Variants in RBM26 observed in about 807,000 individuals in gnomAD.
RBM26 encodes RNA-binding protein 26.
RBM26 carries 30 observed loss-of-function variants against 123.6 expected under a neutral mutation model. The ratio of observed to expected loss-of-function variants is 0.24; its 90% CI spans 0.18 to 0.33. RBM26 has a LOEUF of 0.33. Among genes scored for constraint, RBM26 ranks in the 10% least tolerant of loss-of-function variants. RBM26 has a pLI of 1.00. For synonymous variants in RBM26, 400 were observed against 404.4 expected, an observed-to-expected ratio of 0.99 and a Z score of 0.13; for missense variants, 947 against 1,203.6, an observed-to-expected ratio of 0.79 and a Z score of 3.15.
At chr13:79,374,141 G>A (rs2076425335) in intron 3 of RBM26, among the ~76,000 whole-genome samples, 1 of 151,948 alleles carries the variant, frequency 6.6e-6, no homozygotes, top group South Asian at 2.1e-4. Context: ...AGCTGTTCCA[G>A]CATCCTTTTG....
intron 5 of RBM26, among the ~76,000 whole-genome samples, chr13:79,370,466 C>T (rs577592199): frequency 4.3e-4 from 66 of 152,262 alleles, no homozygotes; most frequent in Non-Finnish European, 5.0e-4. Flanking sequence ...GGATATACCA[C>T]AACATGTTTA....
intron 20 of RBM26, among the ~76,000 whole-genome samples, chr13:79,329,575 G>T (rs1299458111): frequency 6.6e-6 from 1 of 151,948 alleles, no homozygotes; most frequent in Non-Finnish European, 1.5e-5. Context: ...AGAACCACTA[G>T]GATCCTGTCA....
At chr13:79,383,165 T>C (rs1272314905) in intron 1 of RBM26, among the ~76,000 whole-genome samples, 7 of 151,460 alleles carry the variant, frequency 4.6e-5, no homozygotes, top group African/African-American at 1.5e-4. Flanking sequence ...ATTAGAATGG[T>C]TTCAAGCATA....
chr13:79,314,363 TTTTC>T (rs1197512306), downstream of RBM26: 1 of 151,764 alleles, frequency 6.6e-6, no homozygotes, highest in Admixed American at 6.6e-5. Context: ...AAGAAAATTA[TTTTC>T]TTTGTTGGTT....
Position 79,365,714 on chromosome 13 carries a change from T to C in RBM26, c.1281A>G (p.Thr427=), listed in dbSNP as rs915831441. The change falls in exon 9 of 22, where the codon ACA becomes ACG. Residue 427 remains threonine, a synonymous_variant. Coordinates refer to ENST00000438737, the MANE Select transcript of RBM26 (RefSeq NM_001366735.2). The stretch of plus-strand genomic sequence containing the variant: ...CAGGATTGTAGCCATCTGTGTCATA[T>C]GTATCTGGTAATACAAAAACTGTAA... ...PAPPSLFTAD[T]YDTDGYNPEA... The C allele has an allele frequency of 6.2e-7, 1 of 1,610,632 alleles. No homozygotes were observed. Among genetic ancestry groups the C allele is most frequent in the South Asian group, 1.1e-5 (1 of 89,742 alleles).
At chr13:79,356,569 T>C (rs534074792) in intron 11 of RBM26, among the ~76,000 whole-genome samples, 5 of 152,234 alleles carry the variant, frequency 3.3e-5, no homozygotes, top group African/African-American at 1.2e-4. Context: ...AGAACAGAGA[T>C]TGTACACAGT....
At chr13:79,359,973 G>T (rs2074481377) in intron 9 of RBM26, among the ~76,000 whole-genome samples, 1 of 151,948 alleles carries the variant, frequency 6.6e-6, no homozygotes, top group Non-Finnish European at 1.5e-5. Context: ...GTTCTGAGTA[G>T]TGTGATAAAA....
chr13:79,353,424 A>G (rs2073544123), intron 13 of RBM26, among the ~76,000 whole-genome samples, 200 bp from the exon 14 acceptor site: 1 of 152,174 alleles, frequency 6.6e-6, no homozygotes, highest in South Asian at 2.1e-4. Flanking sequence ...ATATTATTCA[A>G]TCATGAAAAA....
intron 6 of RBM26, among the ~76,000 whole-genome samples, chr13:79,367,364 G>A (rs1457422384): frequency 7.2e-6 from 1 of 138,802 alleles, no homozygotes; most frequent in Non-Finnish European, 1.5e-5. Context: ...CAGAGACTGT[G>A]TCATTGCACT....
chr13:79,329,508 T>A (rs969981107), intron 20 of RBM26, among the ~76,000 whole-genome samples: 6 of 152,082 alleles, frequency 3.9e-5, no homozygotes, highest in African/African-American at 7.2e-5. Context: ...CAATTCCAGG[T>A]CTGGAAGAGA....
chr13:79,370,933 T>C lies in RBM26; in HGVS notation c.634+12A>G. 2 of 1,587,514 alleles carry C rather than the reference T, an allele frequency of 1.3e-6. No homozygotes were observed. The highest frequency in any genetic ancestry group is 1.7e-6 in the Non-Finnish European group (2 of 1,159,946). ...GTTTTTCATAAAAAGATAACCAAAATATATTATTTACCCCTGCTTCGTGTT... is the reference window on the plus strand; with the variant it reads ...GTTTTTCATAAAAAGATAACCAAAACATATTATTTACCCCTGCTTCGTGTT... On this transcript the variant is annotated intron_variant, in intron 5 of 21. Transcript: ENST00000438737.
intron 1 of RBM26, among the ~76,000 whole-genome samples, chr13:79,389,157 C>T (rs377708426): frequency 1.3e-5 from 2 of 152,162 alleles, no homozygotes; most frequent in African/African-American, 2.4e-5. Flanking sequence ...TACACTGACA[C>T]ACTATCTCCC....
At chr13:79,400,373 G>A (rs1012473830) in intron 1 of RBM26, among the ~76,000 whole-genome samples, 13 of 152,118 alleles carry the variant, frequency 8.5e-5, no homozygotes, top group African/African-American at 2.4e-4. Context: ...TGCATCCTCC[G>A]GAGTTCCTCC....
intron 1 of RBM26, among the ~76,000 whole-genome samples, chr13:79,401,050 T>C (rs2140548994): frequency 6.6e-6 from 1 of 152,296 alleles, no homozygotes; most frequent in East Asian, 1.9e-4. Context: ...GAAATGGACT[T>C]ACTATGCCAA....
At chr13:79,400,477 C>A (rs1018250258) in intron 1 of RBM26, among the ~76,000 whole-genome samples, 1 of 152,198 alleles carries the variant, frequency 6.6e-6, no homozygotes, top group African/African-American at 2.4e-5. Context: ...TCAACAAAGG[C>A]AGAGCCCTCG....
intron 1 of RBM26, among the ~76,000 whole-genome samples, chr13:79,387,998 T>C (rs891580572): frequency 6.6e-6 from 1 of 152,226 alleles, no homozygotes; most frequent in African/African-American, 2.4e-5. Context: ...CACAATGTAT[T>C]GAGAAGGAGC....
At chr13:79,349,804 A>G (rs2072952615) in intron 14 of RBM26, among the ~76,000 whole-genome samples, 1 of 150,956 alleles carries the variant, frequency 6.6e-6, no homozygotes, top group Non-Finnish European at 1.5e-5. Context: ...GGTTCAAGTG[A>G]TTCTCCTGCC....
rs191235140 is a variant in RBM26 at position 79,395,516 on chromosome 13, G to T, written c.71+10188C>A. ...GCACTTTGGGAAGCTGAATTGGGAGGATTACTTGACACCAGAAGTTCAAGA... is the reference window on the plus strand; with the variant it reads ...GCACTTTGGGAAGCTGAATTGGGAGTATTACTTGACACCAGAAGTTCAAGA... On this transcript the variant is annotated intron_variant, in intron 1 of 21. Transcript: ENST00000438737. Among the ~76,000 whole-genome samples, 11 of 152,200 alleles carry T rather than the reference G, an allele frequency of 7.2e-5. No homozygotes were observed. The East Asian group carries it at 1.9e-3, about 27-fold the overall frequency.
intron 1 of RBM26, among the ~76,000 whole-genome samples, chr13:79,391,250 C>A (rs912585418): frequency 2.0e-5 from 3 of 152,106 alleles, no homozygotes; most frequent in African/African-American, 7.2e-5. Context: ...TGACTGGTAA[C>A]CCAATTAGTA....
Sources: gnomAD v4.1 joint callset for allele counts (sites outside exome capture counted in the v4.1 genomes callset) on GRCh38, gnomAD v4.1.1 for gene constraint, MANE v1.5 for transcripts, NCBI Gene and HGNC (gene_info 2026-07-23, HGNC 2026-07-21) for gene names.